Variants in CRTC1 observed in about 807,000 individuals in gnomAD.
CRTC1 encodes CREB regulated transcription coactivator 1.
In CRTC1, 18 loss-of-function variants were observed where a neutral mutation model predicts 66.1. The observed-to-expected ratio is 0.27, with a 90% CI of 0.19 to 0.40. The LOEUF (loss-of-function observed/expected upper bound fraction) is 0.40, where lower values mean the gene tolerates loss of function less well. Among genes scored for constraint, CRTC1 ranks in the 10% least tolerant of loss-of-function variants. The pLI is 1.00. For synonymous variants in CRTC1, 416 were observed against 398.8 expected (o/e 1.04, Z -0.51); for missense variants, 669 against 887.9 (o/e 0.75, Z 3.13).
intron 1 of CRTC1, among the ~76,000 whole-genome samples, chr19:18,711,777 T>C (rs1226246830): frequency 6.6e-6 from 1 of 152,182 alleles, no homozygotes; most frequent in Non-Finnish European, 1.5e-5. Context: ...GCAGCTGACG[T>C]CCTCTTCCTT....
chr19:18,716,276 G>A (rs931479481), intron 1 of CRTC1, among the ~76,000 whole-genome samples: 16 of 150,144 alleles, frequency 1.1e-4, no homozygotes, highest in Middle Eastern at 3.4e-3. Context: ...TTTTTGAGAC[G>A]CAATCTTGCT....
intron 5 of CRTC1, among the ~76,000 whole-genome samples, chr19:18,753,196 A>T (rs1011139199): frequency 5.3e-5 from 8 of 152,018 alleles, no homozygotes; most frequent in African/African-American, 1.9e-4. Flanking sequence ...GAATGGCGTG[A>T]ACCCGGGAGG....
intron 11 of CRTC1, among the ~76,000 whole-genome samples, chr19:18,773,835 G>A (rs946814760): frequency 6.6e-6 from 1 of 152,088 alleles, no homozygotes; most frequent in African/African-American, 2.4e-5. Context: ...CTGACCACCA[G>A]GAGCAACTGG....
At chr19:18,748,014 C>T (rs1298836917) in intron 4 of CRTC1, among the ~76,000 whole-genome samples, 1 of 152,044 alleles carries the variant, frequency 6.6e-6, no homozygotes, top group Admixed American at 6.6e-5. Context: ...GAGGTCAAGG[C>T]TGCAGTGAGC....
rs2054508189 is a variant in CRTC1, at chr19:18,757,160, CCCCAGGGG to C, written c.625-2389_625-2382del. Among the ~76,000 whole-genome samples, 6 of 152,284 alleles carry C rather than the reference CCCCAGGGG, an allele frequency of 3.9e-5. No homozygotes were observed. The South Asian group carries it at 1.2e-3, about 32-fold the overall frequency. ...TCAGCCAGAAGTGTTTGCCCCAGGG[CCCCAGGGG>C]CGGAAACGTGTCACACTGGGAGGCC... On this transcript the variant is annotated intron_variant, in intron 6 of 13. Transcript: ENST00000321949.
intron 1 of CRTC1, among the ~76,000 whole-genome samples, chr19:18,700,863 C>T (rs1568483441): frequency 6.6e-6 from 1 of 152,198 alleles, no homozygotes; most frequent in South Asian, 2.1e-4. Context: ...TTCAGCGTCT[C>T]TTTCTCAAGT....
intron 1 of CRTC1, among the ~76,000 whole-genome samples, chr19:18,693,243 G>A (rs1474598592): frequency 1.3e-5 from 2 of 151,638 alleles, no homozygotes; most frequent in Non-Finnish European, 2.9e-5. Context: ...ACAAAAATTA[G>A]CCAGGTGTGG....
intron 1 of CRTC1, among the ~76,000 whole-genome samples, chr19:18,732,334 A>C (rs1024404560): frequency 6.6e-6 from 1 of 152,064 alleles, no homozygotes; most frequent in East Asian, 1.9e-4. Flanking sequence ...ATCTCTAAGC[A>C]CACACAGCTG....
chr19:18,703,741 G>A (rs2053200129), intron 1 of CRTC1, among the ~76,000 whole-genome samples: 1 of 152,146 alleles, frequency 6.6e-6, no homozygotes, highest in Non-Finnish European at 1.5e-5. Context: ...AGGATTATAG[G>A]TTTGAGCCAC....
At chr19:18,747,959 C>A (rs1194666769) in intron 4 of CRTC1, among the ~76,000 whole-genome samples, 1 of 152,116 alleles carries the variant, frequency 6.6e-6, no homozygotes, top group African/African-American at 2.4e-5. Context: ...CGCCTGTACT[C>A]CCAGCTACTC....
chr19:18,748,923 G>C (rs138560736), intron 4 of CRTC1, among the ~76,000 whole-genome samples: 33 of 152,314 alleles, frequency 2.2e-4, no homozygotes, highest in Non-Finnish European at 4.4e-4. Flanking sequence ...GGAGTGGGCA[G>C]TGTGTTCATC....
At chr19:18,706,760 G>A (rs1379231140) in intron 1 of CRTC1, among the ~76,000 whole-genome samples, 3 of 152,122 alleles carry the variant, frequency 2.0e-5, no homozygotes. Flanking sequence ...TAGTGCTGTT[G>A]AGCATCTTTT....
In CRTC1 at chr19:18,765,304, G is replaced by C. The variant is rs1356477731; in HGVS notation, c.887-100G>C. ...ATGTCCATGGGCTTCTGTCTGAGCA[G>C]TTGAGCTATTCCCATGCAGTGTGAC... On this transcript the variant is annotated intron_variant, in intron 8 of 13. Transcript: ENST00000321949. The C allele has an allele frequency of 2.7e-6, 4 of 1,475,878 alleles. No homozygotes were observed. In the African/African-American group the frequency reaches 5.5e-5, roughly 20 times the overall value. 91.4% of individuals were successfully genotyped at this position (1,475,878 alleles called of 1,614,324 possible).
intron 3 of CRTC1, among the ~76,000 whole-genome samples, 187 bp downstream of exon 3, chr19:18,746,147 C>G (rs2054230911): frequency 6.6e-6 from 1 of 152,206 alleles, no homozygotes; most frequent in South Asian, 2.1e-4. Flanking sequence ...GGCTGTGCCA[C>G]AAGCCCTGGA....
At chr19:18,735,631 C>T (rs2053981486) in intron 1 of CRTC1, 1 of 152,500 alleles carries the variant, frequency 6.6e-6, no homozygotes, top group Non-Finnish European at 1.5e-5. Flanking sequence ...GAGTCCTGCT[C>T]TGGCTGTTGA....
chr19:18,751,548 G>C (rs895558317), intron 5 of CRTC1, among the ~76,000 whole-genome samples: 1 of 151,960 alleles, frequency 6.6e-6, no homozygotes, highest in Non-Finnish European at 1.5e-5. Context: ...AGAAAATGGG[G>C]AAATGTTTAC....
chr19:18,737,673 C>T (rs2054027385), intron 1 of CRTC1, among the ~76,000 whole-genome samples: 1 of 151,976 alleles, frequency 6.6e-6, no homozygotes, highest in South Asian at 2.1e-4. Flanking sequence ...TCTACTCATA[C>T]GTGGATTCTC....
chr19:18,711,810 G>A (rs971383671), intron 1 of CRTC1, among the ~76,000 whole-genome samples: 4 of 152,210 alleles, frequency 2.6e-5, no homozygotes, highest in Non-Finnish European at 5.9e-5. Context: ...GACCGTGGTG[G>A]CTTCCTGGTT....
intron 1 of CRTC1, among the ~76,000 whole-genome samples, chr19:18,724,626 TC>T (rs1047958166): frequency 1.7e-4 from 26 of 150,664 alleles, no homozygotes; most frequent in African/African-American, 6.1e-4. Flanking sequence ...CTCCAGCCGT[TC>T]CTTGGCTTGT....
Sources: gnomAD v4.1 joint callset for allele counts (sites outside exome capture counted in the v4.1 genomes callset) on GRCh38, gnomAD v4.1.1 for gene constraint, MANE v1.5 for transcripts, NCBI Gene and HGNC (gene_info 2026-07-23, HGNC 2026-07-21) for gene names.